Variants in MYBL1 observed in about 807,000 individuals in gnomAD.
The protein encoded by MYBL1 is myb-related protein A.
Under a neutral mutation model 96.3 loss-of-function variants are expected in MYBL1, and 17 were observed. That is an observed-to-expected ratio of 0.18 (90% CI 0.12 to 0.26). MYBL1 has a LOEUF of 0.26. MYBL1 is among the 10% of genes least tolerant of loss of function. The pLI, the probability that MYBL1 is intolerant of heterozygous loss-of-function variation, is 1.00. For missense variants in MYBL1, 701 were observed against 882.9 expected, an observed-to-expected ratio of 0.79 and a Z score of 2.61; for synonymous variants, 282 against 292.7, an observed-to-expected ratio of 0.96 and a Z score of 0.37.
intron 3 of MYBL1, among the ~76,000 whole-genome samples, chr8:66,599,850 C>G (rs76113472): frequency 4.4e-4 from 67 of 151,660 alleles, no homozygotes; most frequent in Non-Finnish European, 6.5e-4. Context: ...TCTGGATTCA[C>G]GTAGTTCAGC....
chr8:66,578,632 G>A (rs1809069677), intron 9 of MYBL1, among the ~76,000 whole-genome samples: 1 of 152,136 alleles, frequency 6.6e-6, no homozygotes, highest in African/African-American at 2.4e-5. Flanking sequence ...CACTGTTGGT[G>A]GGACTGTAAA....
chr8:66,571,383 A>G (rs1169351418), intron 12 of MYBL1, among the ~76,000 whole-genome samples: 3 of 152,214 alleles, frequency 2.0e-5, no homozygotes, highest in Non-Finnish European at 2.9e-5. Flanking sequence ...CAGCTTCACA[A>G]TAACAATTTG....
intron 12 of MYBL1, among the ~76,000 whole-genome samples, chr8:66,570,417 C>T (rs1362560801): frequency 6.6e-6 from 1 of 151,752 alleles, no homozygotes; most frequent in Non-Finnish European, 1.5e-5. Context: ...TCAAACAAAC[C>T]TCCTAGGACT....
At chr8:66,582,608 C>T (rs1244587670) in intron 8 of MYBL1, among the ~76,000 whole-genome samples, 3 of 142,528 alleles carry the variant, frequency 2.1e-5, no homozygotes, top group Admixed American at 7.1e-5. Flanking sequence ...GTCCCCGCTA[C>T]TTGGGAGGCT....
intron 1 of MYBL1, 171 bp downstream of exon 1, chr8:66,612,648 C>T: frequency 1.4e-6 from 1 of 706,246 alleles, no homozygotes; most frequent in African/African-American, 1.8e-5. Flanking sequence ...CAACTCTCCA[C>T]ACGTCGCAGC....
chr8:66,567,580 T>C (rs541719033), intron 12 of MYBL1, among the ~76,000 whole-genome samples: 45 of 151,998 alleles, frequency 3.0e-4, no homozygotes, highest in African/African-American at 1.1e-3. Context: ...TACAGAGAGA[T>C]AGACACTTGA....
intron 15 of MYBL1, chr8:66,565,045 A>C: frequency 3.7e-6 from 1 of 273,796 alleles, no homozygotes; most frequent in Non-Finnish European, 6.7e-6. Flanking sequence ...TATTTTAGCT[A>C]TCTATATTGC....
intron 7 of MYBL1, among the ~76,000 whole-genome samples, 166 bp downstream of exon 7, chr8:66,592,954 C>T (rs1809706009): frequency 6.6e-6 from 1 of 152,138 alleles, no homozygotes; most frequent in Non-Finnish European, 1.5e-5. Flanking sequence ...GTTTATATTT[C>T]TTCAAACTCA....
rs549369245 is a variant in MYBL1 at position 66,578,663 on chromosome 8, G to A, written c.1101+1470C>T. 1.1e-3 allele frequency among the ~76,000 whole-genome samples: 163 copies of A among 152,300 alleles called. 1 individual carries two copies. The highest frequency in any genetic ancestry group is 3.8e-3 in the African/African-American group (156 of 41,552). Reference sequence around the variant, plus strand: ...GTAAACTAGTTCAACTATTGCGGAAGTCAGTGTGGCGATTCCTCAGGGATC... The same window carrying A: ...GTAAACTAGTTCAACTATTGCGGAAATCAGTGTGGCGATTCCTCAGGGATC... On this transcript the variant is annotated intron_variant, in intron 9 of 15. Coordinates refer to ENST00000522677, the MANE Select transcript of MYBL1 (RefSeq NM_001080416.4).
chr8:66,587,288 T>C (rs1161591212), intron 8 of MYBL1, among the ~76,000 whole-genome samples: 4 of 152,092 alleles, frequency 2.6e-5, no homozygotes, highest in Non-Finnish European at 4.4e-5. Context: ...CAAGACACAT[T>C]GCATACATGT....
chr8:66,602,804 G>A (rs1483996836), intron 1 of MYBL1, among the ~76,000 whole-genome samples: 1 of 133,098 alleles, frequency 7.5e-6, no homozygotes, highest in Non-Finnish European at 1.5e-5. Context: ...GGAGTGCAGT[G>A]GCATGATCTC....
chr8:66,589,914 A>AT (rs905531733), intron 8 of MYBL1, among the ~76,000 whole-genome samples: 11 of 151,454 alleles, frequency 7.3e-5, no homozygotes, highest in Admixed American at 6.6e-5. Context: ...TACAAAAAGT[A>AT]TTTTTTTTTA....
intron 1 of MYBL1, among the ~76,000 whole-genome samples, chr8:66,603,516 C>A (rs1467495962): frequency 6.6e-6 from 1 of 150,830 alleles, no homozygotes; most frequent in East Asian, 1.9e-4. Flanking sequence ...GACAGGGTCT[C>A]AGCTTGCTCT....
chr8:66,580,196 G>A lies in MYBL1; in HGVS notation c.1038C>T (p.Asn346=), dbSNP rs150212945. 1.0e-4 allele frequency: 166 copies of A among 1,613,946 alleles called. No homozygotes were observed. The highest frequency in any genetic ancestry group is 8.4e-4 in the African/African-American group (63 of 75,044). ...TGGTCTGCAAAGAGGATAACACAGCGTTTGCCTCCACGGCCAGGAACTTTG... is the reference window on the plus strand; with the variant it reads ...TGGTCTGCAAAGAGGATAACACAGCATTTGCCTCCACGGCCAGGAACTTTG... The part of the protein sequence containing the change: ...SPTKFLAVEA[N]AVLSSLQTIP... Residue 346 remains asparagine, a synonymous_variant, in exon 9 of 16, where the codon AAC becomes AAT. Transcript: ENST00000522677.
chr8:66,562,230 A>G lies in MYBL1; in HGVS notation c.*2467T>C, dbSNP rs1808363477. The G allele has an allele frequency of 6.6e-6, 1 of 152,658 alleles. No homozygotes were observed. Among genetic ancestry groups the G allele is most frequent in the Non-Finnish European group, 1.5e-5 (1 of 68,036 alleles). The allele number at this position is 152,658 out of a possible 1,614,324, so 9.5% of individuals were successfully genotyped here. On this transcript the variant is annotated 3_prime_UTR_variant, in exon 16 of 16. Coordinates refer to ENST00000522677, the MANE Select transcript of MYBL1 (RefSeq NM_001080416.4). ...TGTTAATATGTCAACATTGTATGCAAGATTCTCTTACAATGAAGTTTTCCA... is the reference window on the plus strand; with the variant it reads ...TGTTAATATGTCAACATTGTATGCAGGATTCTCTTACAATGAAGTTTTCCA...
intron 10 of MYBL1, among the ~76,000 whole-genome samples, chr8:66,574,191 T>G (rs1450922088): frequency 1.3e-5 from 2 of 152,206 alleles, no homozygotes; most frequent in African/African-American, 4.8e-5. Context: ...GAAGTCTAGC[T>G]CTGTCACTTC....
intron 3 of MYBL1, among the ~76,000 whole-genome samples, chr8:66,600,910 C>T (rs1411316585): frequency 6.6e-6 from 1 of 152,110 alleles, no homozygotes; most frequent in African/African-American, 2.4e-5. Flanking sequence ...GTAACTCACG[C>T]CTGTAATCCC....
chr8:66,596,078 CAAAT>C (rs1272078984), intron 5 of MYBL1, among the ~76,000 whole-genome samples: 1 of 151,882 alleles, frequency 6.6e-6, no homozygotes, highest in African/African-American at 2.4e-5. Context: ...AATAGAAAAA[CAAAT>C]AAATGAATAA....
chr8:66,576,312 T>C lies in MYBL1; in HGVS notation c.1165A>G (p.Lys389Glu). Residue 389 changes from lysine (K) to glutamate (E), a missense_variant, in exon 10 of 16, where the codon AAA becomes GAA. Lys to Glu is a moderately conservative substitution (Grantham distance 56). Transcript: ENST00000522677. ...DISDAAASPIKSTPVKLMRIQ... is the reference protein window; with the variant it reads ...DISDAAASPIESTPVKLMRIQ... ...CTCATTAATTTAACTGGGGTGGATT[T>C]GATAGGAGAAGCAGCAGCATCAGAA... The C allele has an allele frequency of 6.2e-7, 1 of 1,613,970 alleles. No individual in the cohort carries two copies. Among genetic ancestry groups the C allele is most frequent in the Non-Finnish European group, 8.5e-7 (1 of 1,179,872 alleles).
Sources: gnomAD v4.1 joint callset for allele counts (sites outside exome capture counted in the v4.1 genomes callset) on GRCh38, gnomAD v4.1.1 for gene constraint, MANE v1.5 for transcripts, NCBI Gene and HGNC (gene_info 2026-07-23, HGNC 2026-07-21) for gene names.